The following ZNF236 variants were observed in gnomAD, a reference collection of about 807,000 sequenced individuals.
The protein encoded by ZNF236 is zinc finger protein 236, also known as regulated by glucose.
In ZNF236, 50 loss-of-function variants were observed where a neutral mutation model predicts 191.2. The observed-to-expected ratio is 0.26, with a 90% CI of 0.21 to 0.33. The LOEUF is 0.33. ZNF236 is among the 10% of genes least tolerant of loss of function. The pLI is 1.00. For missense variants in ZNF236, 1,754 were observed against 2,374.5 expected, an observed-to-expected ratio of 0.74 and a Z score of 5.43; for synonymous variants, 907 against 928.8, an observed-to-expected ratio of 0.98 and a Z score of 0.43.
At position 76,830,357 on chromosome 18, in the gene ZNF236, T is replaced by G. The variant is rs180998703; in HGVS notation, c.55+7695T>G. Among the ~76,000 whole-genome samples the G allele has an allele frequency of 4.6e-4, 70 of 152,306 alleles. No individual in the cohort carries two copies. The East Asian group carries it at 0.011, about 24-fold the overall frequency. ...ATAAATTACTCTTCTCCTCTTGATA[T>G]TTGGGTTATTTCCAGTTTTTGGCTC... On this transcript the variant is annotated intron_variant, in intron 1 of 30. Coordinates refer to ENST00000320610, the MANE Select transcript of ZNF236 (RefSeq NM_001306089.2).
At chr18:76,915,924 C>T in intron 19 of ZNF236, 65 bp downstream of exon 19, 5 of 1,473,032 alleles carry the variant, frequency 3.4e-6, no homozygotes, top group Non-Finnish European at 4.7e-6. Flanking sequence ...AATCCATTCA[C>T]AAATCACCGT....
rs1968899647 is a variant in ZNF236 at position 76,970,925 on chromosome 18, C to T, written c.*2586C>T. On this transcript the variant is annotated 3_prime_UTR_variant, in exon 31 of 31. Transcript: ENST00000320610. Reference sequence around the variant, plus strand: ...AAATCAGGGCATGGCTCCGCGACAGCGAGCCGTGGGCGTCAGCACAGTGCC... The same window carrying T: ...AAATCAGGGCATGGCTCCGCGACAGTGAGCCGTGGGCGTCAGCACAGTGCC... 6.6e-6 allele frequency among the ~76,000 whole-genome samples: 1 copy of T among 152,384 alleles called. No individual in the cohort carries two copies. The highest frequency in any genetic ancestry group is 1.9e-4 in the East Asian group (1 of 5,188).
intron 7 of ZNF236, among the ~76,000 whole-genome samples, chr18:76,878,642 G>A (rs897106600): frequency 6.6e-6 from 1 of 151,684 alleles, no homozygotes; most frequent in Non-Finnish European, 1.5e-5. Flanking sequence ...CACACACAGG[G>A]ACATACACCC....
At chr18:76,857,323 C>T (rs1441772467) in intron 3 of ZNF236, among the ~76,000 whole-genome samples, 2 of 119,708 alleles carry the variant, frequency 1.7e-5, no homozygotes, top group Non-Finnish European at 3.5e-5. Flanking sequence ...GTCCAACAGC[C>T]CTCAGGGTTC....
intron 26 of ZNF236, among the ~76,000 whole-genome samples, chr18:76,939,533 A>G (rs899532220): frequency 6.6e-6 from 1 of 152,118 alleles, no homozygotes; most frequent in Non-Finnish European, 1.5e-5. Context: ...GGGAGGCTGG[A>G]TGGGAGAGCA....
intron 27 of ZNF236, among the ~76,000 whole-genome samples, chr18:76,955,190 T>G (rs2122946206): frequency 6.6e-6 from 1 of 152,262 alleles, no homozygotes; most frequent in Non-Finnish European, 1.5e-5. Context: ...GAGGATCCTT[T>G]GAGTTCAGGA....
rs1967265998 is a variant in ZNF236, at chr18:76,913,282, CTCTGTTT to C, written c.2910-463_2910-457del. 5.9e-5 allele frequency among the ~76,000 whole-genome samples: 9 copies of C among 152,248 alleles called. No individual in the cohort carries two copies. The South Asian group carries it at 1.9e-3, about 32-fold the overall frequency. The stretch of plus-strand genomic sequence containing the variant: ...TATTATTCAGCATAACTCCAGTATA[CTCTGTTT>C]TGTATTTTGTAAACCAAAGGAGTAC... On this transcript the variant is annotated intron_variant, in intron 17 of 30. Transcript: ENST00000320610.
intron 26 of ZNF236, among the ~76,000 whole-genome samples, chr18:76,943,387 C>A (rs755529199): frequency 2.6e-5 from 4 of 152,046 alleles, no homozygotes; most frequent in African/African-American, 9.7e-5. Context: ...TCCTGCTTGC[C>A]CACTGAAGTC....
At position 76,970,484 on chromosome 18, in the gene ZNF236, G is replaced by T. The variant is rs144919406; in HGVS notation, c.*2145G>T. ...TTCGATTTACTTCCTAATTATAAAA[G>T]CTGCTTTTTTGCAGAACATTCCTTG... On this transcript the variant is annotated 3_prime_UTR_variant, in exon 31 of 31. Coordinates refer to ENST00000320610, the MANE Select transcript of ZNF236 (RefSeq NM_001306089.2). 579 of 152,742 alleles carry T rather than the reference G, an allele frequency of 3.8e-3. 3 individuals carry two copies. The highest frequency in any genetic ancestry group is 0.013 in the African/African-American group (553 of 41,578). The allele number at this position is 152,742 out of a possible 1,614,324, so 9.5% of individuals were successfully genotyped here. A position where few individuals can be genotyped will look rare whatever the true frequency, so the allele number is the denominator to read the frequency against.
chr18:76,880,400 A>G lies in ZNF236; in HGVS notation c.1188+84A>G, dbSNP rs1202174093. On this transcript the variant is annotated intron_variant, in intron 8 of 30. Coordinates refer to ENST00000320610, the MANE Select transcript of ZNF236 (RefSeq NM_001306089.2). This position sits in a 1 kb window ranked among gnomAD's most constrained non-coding sequence, Gnocchi z 5.0. ...GGATGATAATTGAGAATAAATCTGC[A>G]GGGCTTGTCAAAGTCAGGGTATCCT... 7.2e-6 allele frequency: 10 copies of G among 1,380,110 alleles called. No homozygotes were observed. In the South Asian group the frequency reaches 1.0e-4, roughly 14 times the overall value. The allele number at this position is 1,380,110 out of a possible 1,614,324, so 85.5% of individuals were successfully genotyped here. A position where few individuals can be genotyped will look rare whatever the true frequency, so the allele number is the denominator to read the frequency against.
At chr18:76,853,650 G>C (rs1420447983) in intron 3 of ZNF236, among the ~76,000 whole-genome samples, 3 of 152,166 alleles carry the variant, frequency 2.0e-5, no homozygotes, top group Non-Finnish European at 2.9e-5. Context: ...CAGTTAGACG[G>C]GAGGAGTAAG....
intron 19 of ZNF236, among the ~76,000 whole-genome samples, chr18:76,917,983 C>G (rs1967418702): frequency 6.6e-6 from 1 of 152,090 alleles, no homozygotes. Flanking sequence ...CTCCCCAATC[C>G]CCTCCCATCT....
At chr18:76,861,873 T>C (rs1330798903) in intron 3 of ZNF236, among the ~76,000 whole-genome samples, 1 of 152,144 alleles carries the variant, frequency 6.6e-6, no homozygotes, top group African/African-American at 2.4e-5. Context: ...TCTTTTTTCT[T>C]TTCTTTTTGA....
intron 3 of ZNF236, among the ~76,000 whole-genome samples, chr18:76,863,989 C>T (rs572871941): frequency 3.3e-5 from 5 of 152,234 alleles, no homozygotes; most frequent in Admixed American, 2.0e-4. Flanking sequence ...GCAGATTGCC[C>T]TCCATGATGT....
intron 3 of ZNF236, among the ~76,000 whole-genome samples, chr18:76,860,187 G>A (rs952970191): frequency 1.2e-4 from 18 of 152,112 alleles, no homozygotes; most frequent in African/African-American, 4.1e-4. Flanking sequence ...AGGGGTGTGC[G>A]TGAACCCTCT....
chr18:76,911,296 T>C (rs1967211150), intron 16 of ZNF236, among the ~76,000 whole-genome samples: 1 of 32,172 alleles, frequency 3.1e-5, no homozygotes, highest in South Asian at 9.1e-4. Context: ...GGAAATTTCT[T>C]AATAGTGATG....
chr18:76,870,321 A>G (rs1250463291), intron 4 of ZNF236, among the ~76,000 whole-genome samples: 1 of 152,000 alleles, frequency 6.6e-6, no homozygotes, highest in Non-Finnish European at 1.5e-5. Context: ...AGTGATTTTT[A>G]AACCCCCAAA....
intron 3 of ZNF236, among the ~76,000 whole-genome samples, chr18:76,855,508 ATGTGT>A (rs1976016318): frequency 6.6e-6 from 1 of 152,174 alleles, no homozygotes; most frequent in African/African-American, 2.4e-5. Context: ...TCAGTTAACT[ATGTGT>A]CTTAAGTGTA....
intron 22 of ZNF236, 66 bp from the exon 23 acceptor site, chr18:76,926,971 T>G (rs1444164646): frequency 6.5e-7 from 1 of 1,541,334 alleles, no homozygotes; most frequent in African/African-American, 1.4e-5. Context: ...ATGTAAAAAA[T>G]GAATTACTTT....
Sources: allele counts gnomAD v4.1 joint callset (sites outside exome capture counted in the v4.1 genomes callset), GRCh38; gene constraint gnomAD v4.1.1; non-coding constraint Gnocchi (gnomAD v3.1); transcripts MANE v1.5; gene names NCBI Gene and HGNC (gene_info 2026-07-23, HGNC 2026-07-21).